Variants in DCDC2 observed in about 807,000 individuals in gnomAD.
DCDC2 encodes doublecortin domain-containing protein 2.
A neutral mutation model predicts 50.2 loss-of-function variants in DCDC2; 40 were observed. The ratio of observed to expected loss-of-function variants is 0.80; its 90% confidence interval spans 0.62 to 1.04. The LOEUF is 1.04. DCDC2 is among the 50% of genes least tolerant of loss of function. The pLI is 0.00. For synonymous variants in DCDC2, 234 were observed against 210.6 expected (o/e 1.11, Z -0.96); for missense variants, 570 against 581.9 (o/e 0.98, Z 0.21).
At chr6:24,228,634 C>T (rs557088758) in intron 7 of DCDC2, among the ~76,000 whole-genome samples, 4 of 152,280 alleles carry the variant, frequency 2.6e-5, no homozygotes, top group Admixed American at 2.6e-4. Flanking sequence ...ATAAGCATTT[C>T]CAAGTCATTT....
chr6:24,221,785 T>A (rs991090985), intron 7 of DCDC2, among the ~76,000 whole-genome samples: 4 of 152,324 alleles, frequency 2.6e-5, no homozygotes, highest in Admixed American at 2.6e-4. Flanking sequence ...AGGCAGGAAG[T>A]GTTTGAGCCA....
upstream of DCDC2, among the ~76,000 whole-genome samples, chr6:24,358,966 T>TATA (rs1561788684): frequency 1.3e-4 from 10 of 78,064 alleles, no homozygotes; most frequent in Non-Finnish European, 2.1e-4. Context: ...TATTATATAT[T>TATA]ATATATTTTA....
chr6:24,248,154 G>A (rs1023530654), intron 7 of DCDC2, among the ~76,000 whole-genome samples: 2 of 152,220 alleles, frequency 1.3e-5, no homozygotes, highest in African/African-American at 4.8e-5. Context: ...TTCTGCATCT[G>A]TAGATTGGAA....
intron 7 of DCDC2, among the ~76,000 whole-genome samples, chr6:24,261,029 G>A (rs1486440287): frequency 6.6e-6 from 1 of 152,160 alleles, no homozygotes; most frequent in Admixed American, 6.5e-5. Flanking sequence ...AGTCTGACAT[G>A]GGAACTGTCT....
intron 2 of DCDC2, among the ~76,000 whole-genome samples, chr6:24,350,823 C>T (rs955049310): frequency 6.6e-6 from 1 of 152,142 alleles, no homozygotes; most frequent in Non-Finnish European, 1.5e-5. Context: ...AATCTTTTCT[C>T]AACACATTAA....
chr6:24,377,342 AC>A, the DCDC2 span, among the ~76,000 whole-genome samples: 1 of 152,184 alleles, frequency 6.6e-6, no homozygotes, highest in Non-Finnish European at 1.5e-5. Flanking sequence ...GTAATATTAG[AC>A]TTTTACTATG....
intron 2 of DCDC2, among the ~76,000 whole-genome samples, chr6:24,340,640 A>G (rs576320037): frequency 6.6e-6 from 1 of 152,330 alleles, no homozygotes; most frequent in African/African-American, 2.4e-5. Flanking sequence ...TTCTAAGAAA[A>G]CAAGCCATGA....
chr6:24,276,448 CT>C (rs1378441692), intron 7 of DCDC2, among the ~76,000 whole-genome samples: 1 of 151,606 alleles, frequency 6.6e-6, no homozygotes, highest in Non-Finnish European at 1.5e-5. Flanking sequence ...AAGGTGGATC[CT>C]GTTTCATGAT....
intron 2 of DCDC2, among the ~76,000 whole-genome samples, chr6:24,342,051 T>C (rs557917621): frequency 1.3e-5 from 2 of 152,322 alleles, no homozygotes; most frequent in East Asian, 1.9e-4. Flanking sequence ...TAATCAAATG[T>C]GAAAGCATCC....
chr6:24,361,970 C>T (rs1221933358), upstream of DCDC2, among the ~76,000 whole-genome samples: 1 of 152,088 alleles, frequency 6.6e-6, no homozygotes, highest in African/African-American at 2.4e-5. Context: ...ATAGCATTTG[C>T]CAATCTCTGT....
intron 8 of DCDC2, among the ~76,000 whole-genome samples, chr6:24,179,969 A>AG (rs1761028546): frequency 6.6e-6 from 1 of 150,436 alleles, no homozygotes; most frequent in Admixed American, 6.6e-5. Context: ...AAAAAAAAAA[A>AG]AACAAGGGGT....
chr6:24,319,794 G>A (rs1320340834), intron 2 of DCDC2, among the ~76,000 whole-genome samples: 1 of 152,164 alleles, frequency 6.6e-6, no homozygotes, highest in Non-Finnish European at 1.5e-5. Flanking sequence ...ATAAGTAGAA[G>A]TAATGGGTAG....
At chr6:24,227,702 G>A (rs1016695683) in intron 7 of DCDC2, among the ~76,000 whole-genome samples, 1 of 152,196 alleles carries the variant, frequency 6.6e-6, no homozygotes, top group African/African-American at 2.4e-5. Context: ...GGGAATGACA[G>A]AATCCACCTG....
the DCDC2 span, among the ~76,000 whole-genome samples, chr6:24,374,556 G>A: frequency 9.2e-6 from 1 of 109,078 alleles, no homozygotes; most frequent in Non-Finnish European, 1.7e-5. Flanking sequence ...TCCAGCCTGG[G>A]AGACACAGCA....
At chr6:24,380,703 C>T in the DCDC2 span, among the ~76,000 whole-genome samples, 2 of 152,122 alleles carry the variant, frequency 1.3e-5, no homozygotes, top group African/African-American at 2.4e-5. Flanking sequence ...AATCAGAACC[C>T]CCGGGAGAAT....
chr6:24,192,710 T>G (rs537608293), intron 8 of DCDC2, among the ~76,000 whole-genome samples: 4 of 151,920 alleles, frequency 2.6e-5, no homozygotes, highest in Non-Finnish European at 5.9e-5. Context: ...AGGCTTTTAT[T>G]TTTTTTCAGT....
At position 24,233,460 on chromosome 6, in the gene DCDC2, G is replaced by A. The variant is rs574064868; in HGVS notation, c.923-28358C>T. On this transcript the variant is annotated intron_variant, in intron 7 of 9. Coordinates refer to ENST00000378454, the MANE Select transcript of DCDC2 (RefSeq NM_016356.5). ...TGTTACCTATTTTGTATACATTATC[G>A]TCATCCCCCAATGAGATTATAAATT... 9.2e-5 allele frequency among the ~76,000 whole-genome samples: 14 copies of A among 152,070 alleles called. No individual in the cohort carries two copies. The East Asian group carries it at 9.7e-4, about 10-fold the overall frequency.
In DCDC2 at chr6:24,358,058, C is replaced by A; in HGVS notation, c.-308G>T. On this transcript the variant is annotated 5_prime_UTR_variant, in exon 1 of 10. Transcript: ENST00000378454. ...CGGGCAGAATCAAGGTGGACAGCTT[C>A]TGAGCAGGAGCCGGAAACGCGCGGG... is the stretch of plus-strand genomic sequence containing the variant. 1.9e-6 allele frequency: 2 copies of A among 1,035,150 alleles called. No homozygotes were observed. Among genetic ancestry groups the A allele is most frequent in the Non-Finnish European group, 2.7e-6 (2 of 730,866 alleles). 64.1% of individuals were successfully genotyped at this position (1,035,150 alleles called of 1,614,324 possible). A position where few individuals can be genotyped will look rare whatever the true frequency, so the allele number is the denominator to read the frequency against.
chr6:24,335,495 C>A (rs935646492), intron 2 of DCDC2, among the ~76,000 whole-genome samples: 2 of 152,130 alleles, frequency 1.3e-5, no homozygotes, highest in Admixed American at 6.6e-5. Context: ...GAATTCCAAC[C>A]ATATGTGTCT....
Sources: gnomAD v4.1 joint callset for allele counts (sites outside exome capture counted in the v4.1 genomes callset) on GRCh38, gnomAD v4.1.1 for gene constraint, MANE v1.5 for transcripts, NCBI Gene and HGNC (gene_info 2026-07-23, HGNC 2026-07-21) for gene names.